Variants in PPFIA2 observed in about 807,000 individuals in gnomAD.
PPFIA2 encodes the protein liprin-alpha-2.
PPFIA2 carries 46 observed loss-of-function variants against 175.5 expected under a neutral mutation model. The observed-to-expected ratio is 0.26, with a 90% CI of 0.21 to 0.34. The LOEUF (loss-of-function observed/expected upper bound fraction) is 0.34. Ranked by LOEUF, PPFIA2 falls within the 10% of genes least tolerant of loss-of-function variation. The probability of loss-of-function intolerance (pLI) is 1.00; values close to 1 mark genes in which losing one functional copy is unlikely to be tolerated. For synonymous variants in PPFIA2, 568 were observed against 511.4 expected (o/e 1.11, Z -1.49); for missense variants, 1,179 against 1,506.1 (o/e 0.78, Z 3.60).
intron 22 of PPFIA2, among the ~76,000 whole-genome samples, chr12:81,310,204 TCAG>T (rs1035045890): frequency 3.6e-4 from 54 of 152,110 alleles, no homozygotes; most frequent in African/African-American, 1.2e-3. Flanking sequence ...TGTCAGTCAC[TCAG>T]GGCCATGTAG....
At chr12:81,695,266 C>A (rs1008869419) in intron 3 of PPFIA2, among the ~76,000 whole-genome samples, 1 of 152,100 alleles carries the variant, frequency 6.6e-6, no homozygotes, top group Non-Finnish European at 1.5e-5. Flanking sequence ...CCCCACCCTA[C>A]TTTTATGTGG....
intron 4 of PPFIA2, among the ~76,000 whole-genome samples, chr12:81,643,610 G>T (rs545821451): frequency 6.6e-6 from 1 of 152,072 alleles, no homozygotes; most frequent in East Asian, 1.9e-4. Flanking sequence ...CGATATACAG[G>T]TTGGATGATG....
At chr12:81,724,617 G>A (rs1186804698) in intron 3 of PPFIA2, among the ~76,000 whole-genome samples, 1 of 150,766 alleles carries the variant, frequency 6.6e-6, no homozygotes, top group Non-Finnish European at 1.5e-5. Context: ...TAAGACAATG[G>A]CCTCCAGTTC....
At chr12:81,418,870 C>T (rs1266262714) in intron 7 of PPFIA2, among the ~76,000 whole-genome samples, 1 of 151,718 alleles carries the variant, frequency 6.6e-6, no homozygotes, top group African/African-American at 2.4e-5. Context: ...TTTTCACATG[C>T]TATTTTGTCT....
chr12:81,640,509 C>G (rs2064819194), intron 4 of PPFIA2, among the ~76,000 whole-genome samples: 1 of 152,028 alleles, frequency 6.6e-6, no homozygotes, highest in South Asian at 2.1e-4. Context: ...CAGACTTTTG[C>G]TCCATATTTT....
At chr12:81,561,446 A>G (rs553999726) in intron 4 of PPFIA2, among the ~76,000 whole-genome samples, 3 of 152,298 alleles carry the variant, frequency 2.0e-5, no homozygotes, top group Admixed American at 1.3e-4. Context: ...AAATAGAAAT[A>G]CAGTAATGAA....
intron 7 of PPFIA2, among the ~76,000 whole-genome samples, chr12:81,438,538 T>C (rs942471125): frequency 2.6e-5 from 4 of 152,176 alleles, no homozygotes; most frequent in African/African-American, 9.7e-5. Context: ...GAAGATTTAT[T>C]GAGTGGTTTG....
intron 22 of PPFIA2, among the ~76,000 whole-genome samples, chr12:81,310,026 A>G (rs1242339560): frequency 6.6e-6 from 1 of 152,040 alleles, no homozygotes; most frequent in East Asian, 1.9e-4. Context: ...TTGGGGACCT[A>G]CTGGAGAATA....
At chr12:81,709,147 G>A (rs373931917) in intron 3 of PPFIA2, among the ~76,000 whole-genome samples, 9 of 152,100 alleles carry the variant, frequency 5.9e-5, no homozygotes, top group East Asian at 3.9e-4. Flanking sequence ...TTTCTGCCCA[G>A]CTCTGCAAGC....
intron 26 of PPFIA2, 179 bp downstream of exon 26, chr12:81,282,831 T>C (rs769398661): frequency 2.7e-5 from 12 of 436,386 alleles, no homozygotes; most frequent in Middle Eastern, 5.4e-4. Flanking sequence ...ATTTTAAAAA[T>C]ATGGTAACTT....
intron 3 of PPFIA2, among the ~76,000 whole-genome samples, chr12:81,746,167 A>G (rs1489624737): frequency 6.9e-6 from 1 of 144,568 alleles, no homozygotes; most frequent in Non-Finnish European, 1.6e-5. Flanking sequence ...AAAATACTGA[A>G]TGGCATAGCG....
chr12:81,629,170 T>A (rs1419407351), intron 4 of PPFIA2, among the ~76,000 whole-genome samples: 1 of 152,134 alleles, frequency 6.6e-6, no homozygotes, highest in African/African-American at 2.4e-5. Context: ...TCAGGTTATT[T>A]ATATATAATA....
intron 7 of PPFIA2, chr12:81,424,947 T>C (rs1469528334): frequency 6.6e-6 from 1 of 152,176 alleles, no homozygotes; most frequent in African/African-American, 2.4e-5. Context: ...TAAGTGTTGA[T>C]TAACCAAAAC....
At chr12:81,618,811 C>T (rs1183780892) in intron 4 of PPFIA2, among the ~76,000 whole-genome samples, 1 of 150,678 alleles carries the variant, frequency 6.6e-6, no homozygotes, top group Non-Finnish European at 1.5e-5. Context: ...GGATTACAGG[C>T]GTGAGCCACC....
intron 3 of PPFIA2, among the ~76,000 whole-genome samples, chr12:81,704,809 C>T (rs1248738424): frequency 2.0e-5 from 3 of 151,762 alleles, no homozygotes; most frequent in Admixed American, 6.6e-5. Flanking sequence ...GTGGGCTGGG[C>T]ACGGTGGCTC....
intron 4 of PPFIA2, among the ~76,000 whole-genome samples, chr12:81,521,024 T>A (rs1358296523): frequency 6.6e-6 from 1 of 152,208 alleles, no homozygotes; most frequent in Non-Finnish European, 1.5e-5. Flanking sequence ...TGTCTATTTA[T>A]ATGTTGCTCT....
rs2141096704 is a variant in PPFIA2, at chr12:81,358,113, C to A, written c.1742G>T (p.Gly581Val). 1 of 1,605,476 alleles carries A rather than the reference C, an allele frequency of 6.2e-7. No individual in the cohort carries two copies. Among genetic ancestry groups the A allele is most frequent in the Non-Finnish European group, 8.5e-7 (1 of 1,175,696 alleles). ...TTKVIRRPRR[G>V]RMGVRRDEPK... ...CTCATCTCTTCGCACACCCATGCGG[C>A]CTCTCCTTGGTCTTCTTATTACTTT... The change falls in exon 16 of 33, where the codon GGC (glycine) becomes GTC (valine). Residue 581 changes from glycine to valine, a missense_variant. By Grantham distance (109) the Gly-to-Val change is moderately radical. Around this residue, in one of 10 missense-constraint regions of PPFIA2, gnomAD observed 186 missense variants for 163.6 expected, o/e 1.14. Transcript: ENST00000549396.
chr12:81,294,585 G>A (rs537342380), intron 24 of PPFIA2: 1 of 485,942 alleles, frequency 2.1e-6, no homozygotes, highest in African/African-American at 1.9e-5. Flanking sequence ...TGTCGCTTGG[G>A]AGAAAAATCT....
At chr12:81,578,431 C>T (rs1298301230) in intron 4 of PPFIA2, among the ~76,000 whole-genome samples, 2 of 151,446 alleles carry the variant, frequency 1.3e-5, no homozygotes, top group African/African-American at 4.8e-5. Flanking sequence ...AAAAATTATC[C>T]CAACTAACCA....
Sources: gnomAD v4.1 joint callset for allele counts (sites outside exome capture counted in the v4.1 genomes callset) on GRCh38, gnomAD v4.1.1 for gene constraint, gnomAD v4.1.1 regional missense constraint, MANE v1.5 for transcripts, NCBI Gene and HGNC (gene_info 2026-07-23, HGNC 2026-07-21) for gene names.